The following SH3GL2 variants were observed in gnomAD, a reference collection of about 807,000 sequenced individuals.
SH3GL2 encodes the protein SH3 domain containing GRB2 like 2, endophilin A1, also known as endophilin-A1.
In SH3GL2, 24 loss-of-function variants were observed where a neutral mutation model predicts 46.0. That is an observed-to-expected ratio of 0.52 (90% CI 0.38 to 0.73). The LOEUF is 0.73. Among genes scored for constraint, SH3GL2 ranks in the 30% least tolerant of loss-of-function variants. The pLI, the probability that SH3GL2 is intolerant of heterozygous loss-of-function variation, is 0.00. For missense variants in SH3GL2, 413 were observed against 424.2 expected, an observed-to-expected ratio of 0.97 and a Z score of 0.23; for synonymous variants, 196 against 147.1, an observed-to-expected ratio of 1.33 and a Z score of -2.40.
intron 1 of SH3GL2, among the ~76,000 whole-genome samples, chr9:17,673,503 T>G (rs553325421): frequency 6.6e-6 from 1 of 152,134 alleles, no homozygotes; most frequent in South Asian, 2.1e-4. Context: ...CAAGTCCATC[T>G]TCTATACGCA....
Position 17,691,969 on chromosome 9 carries a change from A to G in SH3GL2, c.46-55097A>G, listed in dbSNP as rs79471767. The stretch of plus-strand genomic sequence containing the variant: ...ACGAGGACCTAATTTGACAATATCT[A>G]TAAAAATTACAAATGCAATCTATTT... On this transcript the variant is annotated intron_variant, in intron 1 of 8. Transcript: ENST00000380607. Among the ~76,000 whole-genome samples the G allele has an allele frequency of 6.1e-3, 936 of 152,280 alleles. 7 individuals are homozygous for G. Among genetic ancestry groups the G allele is most frequent in the Non-Finnish European group, 9.4e-3 (640 of 68,016 alleles).
intron 8 of SH3GL2, 124 bp from the exon 9 acceptor site, chr9:17,795,420 A>C: frequency 2.9e-6 from 2 of 684,232 alleles, no homozygotes; most frequent in Non-Finnish European, 5.1e-6. Context: ...TTCAACAGGA[A>C]GAGGAATGAG....
At chr9:17,596,652 C>G (rs1818576754) in intron 1 of SH3GL2, among the ~76,000 whole-genome samples, 1 of 152,184 alleles carries the variant, frequency 6.6e-6, no homozygotes, top group Non-Finnish European at 1.5e-5. Context: ...CCCTGTTGAA[C>G]TTGAATGCGG....
chr9:17,749,865 C>T (rs1036653236), intron 2 of SH3GL2, among the ~76,000 whole-genome samples: 4 of 152,140 alleles, frequency 2.6e-5, no homozygotes, highest in South Asian at 2.1e-4. Flanking sequence ...GATTATTTCT[C>T]CTAATTTATA....
chr9:17,789,547 G>T lies in SH3GL2; in HGVS notation c.621G>T (p.Met207Ile). The change falls in exon 6 of 9, where the codon ATG becomes ATT. Residue 207 changes from methionine (M) to isoleucine (I), a missense_variant. Coordinates refer to ENST00000380607, the MANE Select transcript of SH3GL2 (RefSeq NM_003026.5). ...CAAGCATGTTCAATCTCTTGGAGAT[G>T]GATGTAAGTGACTCCTGTGGTTTTC... ...AESSMFNLLEMDIEQVSQLSA... is the reference protein window; with the variant it reads ...AESSMFNLLEIDIEQVSQLSA... The T allele has an allele frequency of 6.2e-7, 1 of 1,613,168 alleles. No homozygotes were observed. Among genetic ancestry groups the T allele is most frequent in the Non-Finnish European group, 8.5e-7 (1 of 1,179,370 alleles).
In SH3GL2 at chr9:17,633,099, T is replaced by C. The variant is rs563391889; in HGVS notation, c.45+53812T>C. Among the ~76,000 whole-genome samples the C allele has an allele frequency of 5.3e-4, 81 of 152,332 alleles. 1 individual carries two copies. The highest frequency in any genetic ancestry group is 1.1e-3 in the Non-Finnish European group (74 of 68,030). ...TGGTCCTCCACATTGCTTTTCACTT[T>C]GCCAGCTAAGGCTTTTCAGTGGCTT... On this transcript the variant is annotated intron_variant, in intron 1 of 8. Coordinates refer to ENST00000380607, the MANE Select transcript of SH3GL2 (RefSeq NM_003026.5).
At chr9:17,721,623 A>G (rs1821895892) in intron 1 of SH3GL2, among the ~76,000 whole-genome samples, 1 of 152,058 alleles carries the variant, frequency 6.6e-6, no homozygotes, top group African/African-American at 2.4e-5. Context: ...CCTAAAGAAA[A>G]AAAGTATATT....
chr9:17,651,188 G>T (rs931873399), intron 1 of SH3GL2, among the ~76,000 whole-genome samples: 1 of 151,972 alleles, frequency 6.6e-6, no homozygotes. Flanking sequence ...TGAAAAAAAT[G>T]TCTAAGCCAT....
At chr9:17,678,985 G>A (rs531687216) in intron 1 of SH3GL2, among the ~76,000 whole-genome samples, 7 of 152,022 alleles carry the variant, frequency 4.6e-5, no homozygotes, top group Non-Finnish European at 7.4e-5. Flanking sequence ...TGTTCCATTG[G>A]TCTATATCTC....
chr9:17,791,988 C>G (rs536316119), intron 7 of SH3GL2, among the ~76,000 whole-genome samples: 18 of 152,276 alleles, frequency 1.2e-4, no homozygotes, highest in African/African-American at 4.1e-4. Flanking sequence ...ACCAGTGGCC[C>G]TATGTTATAA....
chr9:17,784,960 G>C (rs1361460142), intron 3 of SH3GL2, among the ~76,000 whole-genome samples: 3 of 152,140 alleles, frequency 2.0e-5, no homozygotes, highest in Non-Finnish European at 4.4e-5. Context: ...TGATCCTCCT[G>C]CTTTGGGCAC....
intron 1 of SH3GL2, among the ~76,000 whole-genome samples, chr9:17,621,979 T>G (rs1216414656): frequency 6.6e-6 from 1 of 152,182 alleles, no homozygotes; most frequent in Non-Finnish European, 1.5e-5. Flanking sequence ...GTTCCTAGTT[T>G]GTGTAATGTT....
At chr9:17,691,340 C>A (rs370827784) in intron 1 of SH3GL2, among the ~76,000 whole-genome samples, 1 of 152,068 alleles carries the variant, frequency 6.6e-6, no homozygotes, top group African/African-American at 2.4e-5. Flanking sequence ...CCACAGTTAT[C>A]AATAAAAACA....
At chr9:17,731,457 C>G (rs150807926) in intron 1 of SH3GL2, among the ~76,000 whole-genome samples, 29,665 of 149,078 alleles carry the variant, frequency 0.2, 3,549 homozygotes, top group East Asian at 0.41. Context: ...GAGAGACAGA[C>G]AGAGAGAGAG....
chr9:17,664,590 A>T (rs1417280153), intron 1 of SH3GL2, among the ~76,000 whole-genome samples: 2 of 152,076 alleles, frequency 1.3e-5, no homozygotes, highest in African/African-American at 4.8e-5. Flanking sequence ...AACTTTTGAA[A>T]AACAAGTTTG....
chr9:17,635,668 G>A (rs1174388545), intron 1 of SH3GL2, among the ~76,000 whole-genome samples: 1 of 152,218 alleles, frequency 6.6e-6, no homozygotes, highest in Non-Finnish European at 1.5e-5. Flanking sequence ...CCTGCTGTGA[G>A]ATTGGGTGCT....
At chr9:17,699,935 C>G (rs1246695619) in intron 1 of SH3GL2, among the ~76,000 whole-genome samples, 2 of 152,092 alleles carry the variant, frequency 1.3e-5, no homozygotes, top group Non-Finnish European at 2.9e-5. Context: ...AAAAGGTTTA[C>G]CTGTTAAGTT....
intron 1 of SH3GL2, among the ~76,000 whole-genome samples, chr9:17,720,547 A>G (rs1158065897): frequency 1.3e-5 from 2 of 152,062 alleles, no homozygotes; most frequent in African/African-American, 4.8e-5. Context: ...GGCAGCGCTT[A>G]TTGGCTGAAC....
At chr9:17,791,860 A>G (rs1291296627) in intron 7 of SH3GL2, among the ~76,000 whole-genome samples, 3 of 152,226 alleles carry the variant, frequency 2.0e-5, no homozygotes, top group African/African-American at 7.2e-5. Flanking sequence ...GTCCTCTGCC[A>G]TCAGAGAGAG....
Sources: gnomAD v4.1 joint callset for allele counts (sites outside exome capture counted in the v4.1 genomes callset) on GRCh38, gnomAD v4.1.1 for gene constraint, MANE v1.5 for transcripts, NCBI Gene and HGNC (gene_info 2026-07-23, HGNC 2026-07-21) for gene names.